The following WDFY1 variants were observed in gnomAD, a reference collection of about 807,000 sequenced individuals.
The protein encoded by WDFY1 is WD repeat and FYVE domain containing 1.
A neutral mutation model predicts 56.4 loss-of-function variants in WDFY1; 32 were observed. That is an observed-to-expected ratio of 0.57 (90% CI 0.43 to 0.76). WDFY1 has a LOEUF of 0.76. Among genes scored for constraint, WDFY1 ranks in the 30% least tolerant of loss-of-function variants. The pLI is 0.00. For missense variants in WDFY1, 480 were observed against 545.7 expected, an observed-to-expected ratio of 0.88 and a Z score of 1.20; for synonymous variants, 192 against 197.3, an observed-to-expected ratio of 0.97 and a Z score of 0.23.
intron 1 of WDFY1, among the ~76,000 whole-genome samples, chr2:223,933,718 AGACTGAGGCT>A (rs1223399124): frequency 6.6e-6 from 1 of 152,004 alleles, no homozygotes; most frequent in Non-Finnish European, 1.5e-5. Flanking sequence ...GCTACTTGGC[AGACTGAGGCT>A]GGAGGATCAC....
At chr2:223,889,987 C>T (rs944520503) in intron 8 of WDFY1, among the ~76,000 whole-genome samples, 1 of 152,106 alleles carries the variant, frequency 6.6e-6, no homozygotes, top group African/African-American at 2.4e-5. Flanking sequence ...AATGAGTACA[C>T]GCAGATCCTG....
intron 8 of WDFY1, among the ~76,000 whole-genome samples, chr2:223,893,522 C>T (rs1002698035): frequency 1.4e-4 from 21 of 150,476 alleles, no homozygotes; most frequent in Non-Finnish European, 2.5e-4. Context: ...AAAGCAAGAC[C>T]CTGTCTCAAA....
At chr2:223,901,658 A>T (rs1225752068) in intron 4 of WDFY1, among the ~76,000 whole-genome samples, 28 of 151,350 alleles carry the variant, frequency 1.9e-4, no homozygotes, top group Admixed American at 1.4e-3. Context: ...TGCTCAAGAG[A>T]ACATTTTTAC....
In WDFY1 at chr2:223,899,173, A is replaced by G. The variant is rs1693458325; in HGVS notation, c.486-103T>C. ...AAGTTAGTTTTCAAAGTTAGAAAAC[A>G]TGCATTTTAAAGAGAATAAGCATAC... On this transcript the variant is annotated intron_variant, in intron 5 of 11. Coordinates refer to ENST00000233055, the MANE Select transcript of WDFY1 (RefSeq NM_020830.5). 3.4e-6 allele frequency: 3 copies of G among 892,700 alleles called. No individual in the cohort carries two copies. In the East Asian group the frequency reaches 7.6e-5, roughly 23 times the overall value. The allele number at this position is 892,700 out of a possible 1,614,324, so 55.3% of individuals were successfully genotyped here.
intron 6 of WDFY1, among the ~76,000 whole-genome samples, chr2:223,897,383 TATATATA>T (rs1559165987): frequency 6.7e-5 from 5 of 74,318 alleles, no homozygotes; most frequent in African/African-American, 1.5e-4. Context: ...TATATATATA[TATATATA>T]TTTTTTAAGA....
chr2:223,889,961 G>A lies in WDFY1; in HGVS notation c.831+4273C>T, dbSNP rs533348011. ...TTACAGGCAAAGAAACTGGCTCAGAGATTAAAGCAACTGTCAATGAGTACA... is the reference window on the plus strand; with the variant it reads ...TTACAGGCAAAGAAACTGGCTCAGAAATTAAAGCAACTGTCAATGAGTACA... On this transcript the variant is annotated intron_variant, in intron 8 of 11. Coordinates refer to ENST00000233055, the MANE Select transcript of WDFY1 (RefSeq NM_020830.5). Among the ~76,000 whole-genome samples, 73 of 152,312 alleles carry A rather than the reference G, an allele frequency of 4.8e-4. 1 individual carries two copies. The highest frequency in any genetic ancestry group is 2.6e-4 in the Admixed American group (4 of 15,298).
intron 8 of WDFY1, among the ~76,000 whole-genome samples, chr2:223,891,719 T>TA (rs1432736662): frequency 5.9e-5 from 9 of 152,268 alleles, no homozygotes; most frequent in African/African-American, 2.2e-4. Context: ...AAGAGCAGGT[T>TA]AAAATCTAAG....
chr2:223,942,604 C>T (rs1445591411), intron 1 of WDFY1, among the ~76,000 whole-genome samples: 30 of 111,958 alleles, frequency 2.7e-4, no homozygotes, highest in African/African-American at 1.0e-3. Flanking sequence ...GGCGCAATCT[C>T]GGCTCACTGC....
intron 3 of WDFY1, among the ~76,000 whole-genome samples, chr2:223,906,579 T>C (rs531405728): frequency 6.6e-6 from 1 of 152,246 alleles, no homozygotes; most frequent in South Asian, 2.1e-4. Context: ...TTCGCTCTTG[T>C]TGCTTCCTCG....
intron 10 of WDFY1, among the ~76,000 whole-genome samples, chr2:223,881,349 A>G (rs482993): frequency 0.9 from 136,415 of 151,862 alleles, 61,656 homozygotes; most frequent in South Asian, 0.96. Flanking sequence ...AGTGGGATGC[A>G]GAGGCTCAGG....
chr2:223,932,723 A>G (rs77775663), intron 1 of WDFY1, among the ~76,000 whole-genome samples: 3,574 of 152,182 alleles, frequency 0.023, 119 homozygotes, highest in African/African-American at 0.081. Context: ...ACTCTGGGCA[A>G]ACAGTAATTC....
intron 1 of WDFY1, among the ~76,000 whole-genome samples, chr2:223,940,827 G>T (rs13014664): frequency 6.7e-6 from 1 of 149,834 alleles, no homozygotes; most frequent in Admixed American, 6.6e-5. Context: ...GGGTTTTTTT[G>T]TTTTTGTTTT....
intron 11 of WDFY1, 42 bp downstream of exon 11, chr2:223,880,082 G>A (rs1003142331): frequency 1.3e-6 from 2 of 1,520,996 alleles, no homozygotes; most frequent in African/African-American, 2.7e-5. Flanking sequence ...ATGGTAATAG[G>A]CAATCTCAAC....
intron 10 of WDFY1, among the ~76,000 whole-genome samples, chr2:223,881,221 T>G (rs1353424932): frequency 2.0e-5 from 3 of 152,156 alleles, no homozygotes; most frequent in Non-Finnish European, 4.4e-5. Context: ...TCTCTAGAGT[T>G]TTCCCAGTAA....
chr2:223,913,993 CTTTTTTT>C (rs386392770), intron 2 of WDFY1, among the ~76,000 whole-genome samples: 1 of 88,152 alleles, frequency 1.1e-5, no homozygotes, highest in South Asian at 5.0e-4. Context: ...AATCAGTTAG[CTTTTTTT>C]TTTTTTTTTT....
chr2:223,903,640 C>CAA (rs1206883616), intron 4 of WDFY1, among the ~76,000 whole-genome samples: 4 of 64,296 alleles, frequency 6.2e-5, no homozygotes, highest in Admixed American at 2.8e-4. Context: ...CACACACACA[C>CAA]GTTTTTTGTT....
intron 2 of WDFY1, among the ~76,000 whole-genome samples, chr2:223,913,844 C>T (rs1361577176): frequency 4.6e-5 from 7 of 151,874 alleles, no homozygotes; most frequent in Non-Finnish European, 1.5e-5. Context: ...AAAAAAAAGG[C>T]TTCCTTAGTT....
chr2:223,882,002 A>AT lies in WDFY1; in HGVS notation c.1003dup (p.Met335AsnfsTer11). The AT allele has an allele frequency of 6.2e-7, 1 of 1,614,140 alleles. No individual in the cohort carries two copies. Among genetic ancestry groups the AT allele is most frequent in the Non-Finnish European group, 8.5e-7 (1 of 1,179,966 alleles). On this transcript the variant is annotated frameshift_variant, in exon 10 of 12. Transcript: ENST00000233055. LOFTEE classifies it high-confidence loss of function. ...AACCCGGACTTGGAACTCGAAGCCC[A>AT]TGACTGGGTAACTTGAGCGCTTGCT... is the stretch of plus-strand genomic sequence containing the variant.
intron 8 of WDFY1, among the ~76,000 whole-genome samples, chr2:223,893,294 A>C (rs1693307942): frequency 6.6e-6 from 1 of 150,636 alleles, no homozygotes; most frequent in Admixed American, 6.7e-5. Flanking sequence ...AGGCAGGAGG[A>C]TTGCTTGAGC....
Sources: gnomAD v4.1 joint callset for allele counts (sites outside exome capture counted in the v4.1 genomes callset) on GRCh38, gnomAD v4.1.1 for gene constraint, MANE v1.5 for transcripts, NCBI Gene and HGNC (gene_info 2026-07-23, HGNC 2026-07-21) for gene names.